The following FTO variants were observed in gnomAD, a reference collection of about 807,000 sequenced individuals.
FTO encodes alpha-ketoglutarate-dependent dioxygenase FTO.
In FTO, 47 loss-of-function variants were observed where a neutral mutation model predicts 63.9. The observed-to-expected ratio is 0.74, with a 90% CI of 0.58 to 0.94. The LOEUF is 0.94. Among genes scored for constraint, FTO ranks in the 40% least tolerant of loss-of-function variants. The pLI, the probability that FTO is intolerant of heterozygous loss-of-function variation, is 0.00. For missense variants in FTO, 562 were observed against 618.1 expected, an observed-to-expected ratio of 0.91 and a Z score of 0.96; for synonymous variants, 207 against 224.4, an observed-to-expected ratio of 0.92 and a Z score of 0.69.
chr16:54,076,753 C>T (rs191868088), intron 8 of FTO, among the ~76,000 whole-genome samples: 2 of 152,188 alleles, frequency 1.3e-5, no homozygotes, highest in East Asian at 3.9e-4. Flanking sequence ...TTAAATGCAT[C>T]CCTGTATCAT....
At chr16:53,981,912 C>CAAA in intron 8 of FTO, 2 of 95,512 alleles carry the variant, frequency 2.1e-5, no homozygotes, top group Admixed American at 1.1e-4. Flanking sequence ...GCTCTGTTTC[C>CAAA]AAAAAAAAAA....
chr16:53,755,735 A>G (rs1344173287), intron 1 of FTO, among the ~76,000 whole-genome samples: 1 of 152,062 alleles, frequency 6.6e-6, no homozygotes, highest in Non-Finnish European at 1.5e-5. Context: ...AAGGTGTACT[A>G]TGGGAGTCTC....
chr16:54,074,788 A>G (rs1567555392), intron 8 of FTO, among the ~76,000 whole-genome samples: 1 of 152,138 alleles, frequency 6.6e-6, no homozygotes, highest in African/African-American at 2.4e-5. Context: ...AGGCTCTACC[A>G]CATACTGCAA....
At chr16:53,795,369 T>G (rs2078034032) in intron 1 of FTO, among the ~76,000 whole-genome samples, 1 of 152,182 alleles carries the variant, frequency 6.6e-6, no homozygotes, top group Non-Finnish European at 1.5e-5. Flanking sequence ...CTTGAACTTT[T>G]GGCCTCAAGT....
At chr16:53,832,123 A>G (rs1027331086) in intron 3 of FTO, among the ~76,000 whole-genome samples, 1 of 152,182 alleles carries the variant, frequency 6.6e-6, no homozygotes, top group African/African-American at 2.4e-5. Context: ...TTACCAACAA[A>G]GAGAGTGGCA....
chr16:54,005,652 CATTCATG>C (rs2084184042), intron 8 of FTO, among the ~76,000 whole-genome samples: 1 of 152,146 alleles, frequency 6.6e-6, no homozygotes, highest in African/African-American at 2.4e-5. Flanking sequence ...CTCATTCATT[CATTCATG>C]ATTCATGAAG....
At chr16:53,951,525 G>A (rs564285030) in intron 8 of FTO, among the ~76,000 whole-genome samples, 14 of 107,442 alleles carry the variant, frequency 1.3e-4, no homozygotes, top group African/African-American at 3.4e-4. Flanking sequence ...TGCGCTGTGC[G>A]TGGCACACAA....
intron 8 of FTO, among the ~76,000 whole-genome samples, chr16:54,099,317 A>C (rs1479801750): frequency 3.3e-5 from 5 of 152,188 alleles, no homozygotes; most frequent in African/African-American, 1.2e-4. Context: ...TGCCCTTTAA[A>C]AATAATGAGT....
intron 8 of FTO, among the ~76,000 whole-genome samples, chr16:54,080,556 T>C (rs1286103855): frequency 2.6e-5 from 4 of 152,156 alleles, no homozygotes; most frequent in African/African-American, 9.7e-5. Flanking sequence ...AAATTGCCGA[T>C]GGTGAGGGGA....
chr16:53,784,100 A>G (rs1371465048), intron 1 of FTO, among the ~76,000 whole-genome samples: 1 of 152,176 alleles, frequency 6.6e-6, no homozygotes, highest in African/African-American at 2.4e-5. Context: ...TTTATGGGTG[A>G]GTGTTGAGCA....
chr16:53,715,150 A>G (rs2075865249), intron 1 of FTO, among the ~76,000 whole-genome samples: 1 of 152,098 alleles, frequency 6.6e-6, no homozygotes, highest in Non-Finnish European at 1.5e-5. Flanking sequence ...ATTTTTCATG[A>G]TTTAAAGGCT....
chr16:53,848,700 G>A (rs2079703387), intron 4 of FTO, among the ~76,000 whole-genome samples: 1 of 152,172 alleles, frequency 6.6e-6, no homozygotes, highest in Non-Finnish European at 1.5e-5. Context: ...CTTAAAAGTG[G>A]CTTGGAGACA....
intron 8 of FTO, among the ~76,000 whole-genome samples, chr16:53,971,624 TA>T (rs1452991651): frequency 2.6e-5 from 4 of 152,252 alleles, no homozygotes; most frequent in Non-Finnish European, 5.9e-5. Context: ...GTTCTCTTTA[TA>T]ACAATTGATA....
chr16:53,874,024 T>G (rs907340485), intron 5 of FTO, among the ~76,000 whole-genome samples, 159 bp downstream of exon 5: 2 of 152,212 alleles, frequency 1.3e-5, no homozygotes, highest in African/African-American at 4.8e-5. Context: ...AGCTTTGGAT[T>G]GTGTTGGATA....
chr16:53,895,684 C>G (rs190336346), intron 7 of FTO, among the ~76,000 whole-genome samples: 1 of 152,276 alleles, frequency 6.6e-6, no homozygotes, highest in African/African-American at 2.4e-5. Context: ...GTTTTTAACC[C>G]TTACATGAGC....
intron 8 of FTO, among the ~76,000 whole-genome samples, chr16:54,010,151 C>T (rs372589542): frequency 4.6e-5 from 7 of 152,068 alleles, no homozygotes; most frequent in African/African-American, 9.7e-5. Context: ...CCATGGCTCA[C>T]GACTGTAATC....
intron 1 of FTO, among the ~76,000 whole-genome samples, chr16:53,748,452 T>TTTTA (rs1264590490): frequency 4.6e-5 from 7 of 152,196 alleles, no homozygotes; most frequent in African/African-American, 1.4e-4. Flanking sequence ...TTTATAGCTA[T>TTTTA]TTTATTTATT....
chr16:53,838,522 G>GAGTT (rs2079373341), intron 3 of FTO, among the ~76,000 whole-genome samples: 19 of 151,830 alleles, frequency 1.3e-4, no homozygotes, highest in Admixed American at 1.1e-3. Context: ...TGTTGGCCAG[G>GAGTT]CTGGTCTTGA....
At chr16:53,884,620 C>T (rs879867871) in intron 6 of FTO, among the ~76,000 whole-genome samples, 3 of 152,132 alleles carry the variant, frequency 2.0e-5, no homozygotes, top group South Asian at 2.1e-4. Flanking sequence ...AAGTAGGTGA[C>T]GTTTGCTGAC....
Sources: gnomAD v4.1 joint callset for allele counts (sites outside exome capture counted in the v4.1 genomes callset) on GRCh38, gnomAD v4.1.1 for gene constraint, MANE v1.5 for transcripts, NCBI Gene and HGNC (gene_info 2026-07-23, HGNC 2026-07-21) for gene names.